SCN10A: variants seen among roughly 807,000 people sequenced by gnomAD.
SCN10A encodes sodium channel protein type 10 subunit alpha.
SCN10A carries 162 observed loss-of-function variants against 170.7 expected under a neutral mutation model. The ratio of observed to expected loss-of-function variants is 0.95; its 90% confidence interval spans 0.84 to 1.08. The LOEUF (loss-of-function observed/expected upper bound fraction) is 1.08, where lower values mean the gene tolerates loss of function less well. Ranked by LOEUF, SCN10A falls within the 50% of genes least tolerant of loss-of-function variation. The pLI is 0.00. For synonymous variants in SCN10A, 985 were observed against 904.6 expected, an observed-to-expected ratio of 1.09 and a Z score of -1.59; for missense variants, 2,527 against 2,436.9, an observed-to-expected ratio of 1.04 and a Z score of -0.78.
chr3:38,737,308 G>T (rs543446158), intron 15 of SCN10A, among the ~76,000 whole-genome samples: 25 of 152,144 alleles, frequency 1.6e-4, no homozygotes, highest in African/African-American at 6.0e-4. Flanking sequence ...GCCTGCCAGG[G>T]TATGGGGGTG....
chr3:38,793,593 G>GAT (rs146665502), intron 2 of SCN10A, 148 bp downstream of exon 2: 93 of 636,640 alleles, frequency 1.5e-4, no homozygotes, highest in Middle Eastern at 4.6e-4. Flanking sequence ...ATAAGTTAGA[G>GAT]ATATATATAT....
rs573167200 is a variant in SCN10A at position 38,784,419 on chromosome 3, C to T, written c.470+4537G>A. Among the ~76,000 whole-genome samples the T allele has an allele frequency of 2.0e-5, 3 of 152,192 alleles. No homozygotes were observed. In the South Asian group the frequency reaches 6.2e-4, roughly 32 times the overall value. Reference sequence around the variant, plus strand: ...CAATAGATGCAGAAAAGGTCTTCGACAAAATTCAACACCCATTCATGCTAA... The same window carrying T: ...CAATAGATGCAGAAAAGGTCTTCGATAAAATTCAACACCCATTCATGCTAA... On this transcript the variant is annotated intron_variant, in intron 4 of 27. Transcript: ENST00000449082.
Position 38,811,154 on chromosome 3 carries a change from G to A in SCN10A, c.-33+4883C>T, listed in dbSNP as rs77048746. The stretch of plus-strand genomic sequence containing the variant: ...TAGTTTTCTCATCTACAAAATAATC[G>A]TAATAATAGAACTACAGTCCAGGCA... On this transcript the variant is annotated intron_variant, in intron 1 of 27. Coordinates refer to ENST00000449082, the MANE Select transcript of SCN10A (RefSeq NM_006514.4). Among the ~76,000 whole-genome samples, 41 of 152,130 alleles carry A rather than the reference G, an allele frequency of 2.7e-4. No homozygotes were observed. In the East Asian group the frequency reaches 6.4e-3, roughly 24 times the overall value.
chr3:38,712,009 A>G (rs2063279222), intron 23 of SCN10A, 152 bp downstream of exon 23: 1 of 712,144 alleles, frequency 1.4e-6, no homozygotes, highest in Admixed American at 2.7e-5. Context: ...CTCTAGCCTC[A>G]TGGTGTAGTC....
rs2063825724 is a variant in SCN10A, at chr3:38,757,799, C to A, written c.951-640G>T. On this transcript the variant is annotated intron_variant, in intron 8 of 27. Transcript: ENST00000449082. ...AATACTTGAGTCAGCCTAGCCTCCT[C>A]CTGAAGATGGCCTATGAAGGAAGGC... Among the ~76,000 whole-genome samples, 4 of 152,110 alleles carry A rather than the reference C, an allele frequency of 2.6e-5. No individual in the cohort carries two copies. The South Asian group carries it at 8.3e-4, about 32-fold the overall frequency.
intron 15 of SCN10A, among the ~76,000 whole-genome samples, chr3:38,733,663 G>T (rs901447947): frequency 6.6e-6 from 1 of 151,954 alleles, no homozygotes; most frequent in Non-Finnish European, 1.5e-5. Flanking sequence ...CTACAGACAC[G>T]TGCCATCATG....
At chr3:38,776,160 A>G (rs1051245856) in intron 4 of SCN10A, among the ~76,000 whole-genome samples, 1 of 152,078 alleles carries the variant, frequency 6.6e-6, no homozygotes, top group Non-Finnish European at 1.5e-5. Flanking sequence ...AAATTCAATT[A>G]TCATTATTCA....
At chr3:38,737,415 AG>A (rs1324052511) in intron 15 of SCN10A, among the ~76,000 whole-genome samples, 2 of 152,196 alleles carry the variant, frequency 1.3e-5, no homozygotes, top group East Asian at 3.9e-4. Context: ...AGATACCTAG[AG>A]AAATCTGTCC....
At chr3:38,727,303 C>T (rs190540941) in intron 16 of SCN10A, among the ~76,000 whole-genome samples, 30 of 152,340 alleles carry the variant, frequency 2.0e-4, no homozygotes, top group East Asian at 1.7e-3. Context: ...AGGAGCCCCC[C>T]GCTGAGCAGA....
intron 15 of SCN10A, among the ~76,000 whole-genome samples, chr3:38,735,667 T>C (rs2063553110): frequency 6.6e-6 from 1 of 152,242 alleles, no homozygotes; most frequent in Non-Finnish European, 1.5e-5. Flanking sequence ...CACAGATATA[T>C]TTAAAGCTGC....
intron 21 of SCN10A, 88 bp downstream of exon 21, chr3:38,718,565 C>A: frequency 7.2e-7 from 1 of 1,395,560 alleles, no homozygotes. Flanking sequence ...CCTTGAGGGC[C>A]AGGTCTCTGA....
intron 14 of SCN10A, 78 bp from the exon 15 acceptor site, chr3:38,739,766 G>A: frequency 1.7e-6 from 2 of 1,163,446 alleles, no homozygotes; most frequent in South Asian, 3.0e-5. Flanking sequence ...GCAAGAAAAT[G>A]TCTTATTTAC....
At chr3:38,753,452 G>A (rs1051737570) in intron 11 of SCN10A, among the ~76,000 whole-genome samples, 1 of 152,148 alleles carries the variant, frequency 6.6e-6, no homozygotes, top group African/African-American at 2.4e-5. Context: ...CTACTAAAGT[G>A]GAGAATCTTG....
chr3:38,733,234 C>G (rs1315998080), intron 15 of SCN10A, among the ~76,000 whole-genome samples: 1 of 152,004 alleles, frequency 6.6e-6, no homozygotes, highest in Non-Finnish European at 1.5e-5. Flanking sequence ...TCCATTTTCC[C>G]ACAAGCAGGA....
At chr3:38,699,198 G>GGTTT (rs1559407664) in intron 27 of SCN10A, among the ~76,000 whole-genome samples, 1 of 127,142 alleles carries the variant, frequency 7.9e-6, no homozygotes, top group Non-Finnish European at 1.6e-5. Flanking sequence ...GCCTTAATTT[G>GGTTT]TTTTTTTTTT....
At chr3:38,732,471 C>T (rs886937604) in intron 15 of SCN10A, among the ~76,000 whole-genome samples, 3 of 152,212 alleles carry the variant, frequency 2.0e-5, no homozygotes, top group African/African-American at 7.2e-5. Flanking sequence ...AGACATACAT[C>T]TCTATTATGT....
chr3:38,758,940 G>T (rs1576012154), intron 8 of SCN10A, among the ~76,000 whole-genome samples: 1 of 152,260 alleles, frequency 6.6e-6, no homozygotes, highest in East Asian at 1.9e-4. Context: ...AGGGGCTCTT[G>T]GTTTACATTT....
chr3:38,752,623 C>G, intron 11 of SCN10A, 111 bp from the exon 12 acceptor site: 2 of 815,728 alleles, frequency 2.5e-6, no homozygotes, highest in Non-Finnish European at 3.6e-6. Flanking sequence ...TCTTTATGAC[C>G]TTTCAGTCAC....
In SCN10A at chr3:38,771,272, T is replaced by A. The variant is rs775475182; in HGVS notation, c.599+7A>T. 1.9e-6 allele frequency: 3 copies of A among 1,613,648 alleles called. No individual in the cohort carries two copies. In the African/African-American group the frequency reaches 4.0e-5, roughly 22 times the overall value. ...ACACATGCAGATCTGCATAGAGATA[T>A]ACTCACGCCAGGGTAATGACGCTAA... On this transcript the variant is annotated splice_region_variant and intron_variant, in intron 5 of 27. Coordinates refer to ENST00000449082, the MANE Select transcript of SCN10A (RefSeq NM_006514.4).
Sources: allele counts gnomAD v4.1 joint callset (sites outside exome capture counted in the v4.1 genomes callset), GRCh38; gene constraint gnomAD v4.1.1; transcripts MANE v1.5; gene names NCBI Gene and HGNC (gene_info 2026-07-23, HGNC 2026-07-21).